Variants in CRCP observed in about 807,000 individuals in gnomAD.
CRCP encodes the protein CGRP receptor component.
CRCP carries 18 observed loss-of-function variants against 18.5 expected under a neutral mutation model. That is an observed-to-expected ratio of 0.97 (90% CI 0.67 to 1.44). The LOEUF (loss-of-function observed/expected upper bound fraction) is 1.44, where lower values mean the gene tolerates loss of function less well. Among genes scored for constraint, CRCP ranks in the 40% most tolerant of loss-of-function variants. The probability of loss-of-function intolerance (pLI) is 0.00; values close to 1 mark genes in which losing one functional copy is unlikely to be tolerated. For synonymous variants in CRCP, 53 were observed against 62.9 expected (o/e 0.84, Z 0.75); for missense variants, 130 against 176.4 (o/e 0.74, Z 1.49).
intron 4 of CRCP, among the ~76,000 whole-genome samples, chr7:66,137,061 C>T (rs1271569529): frequency 6.6e-6 from 1 of 151,102 alleles, no homozygotes. Flanking sequence ...AGCCTGGCGA[C>T]AGAGCGAGAC....
intron 1 of CRCP, among the ~76,000 whole-genome samples, chr7:66,125,768 G>C (rs1364093803): frequency 1.3e-5 from 2 of 149,346 alleles, no homozygotes; most frequent in African/African-American, 2.4e-5. Flanking sequence ...TGGAAATAAA[G>C]TTGTAACAGT....
At chr7:66,151,185 GT>G (rs1788445761) in intron 5 of CRCP, among the ~76,000 whole-genome samples, 1 of 152,168 alleles carries the variant, frequency 6.6e-6, no homozygotes, top group South Asian at 2.1e-4. Flanking sequence ...CTGCAGGGCT[GT>G]TGCTAGTGGG....
chr7:66,121,618 C>G (rs422164), intron 1 of CRCP, among the ~76,000 whole-genome samples: 15,834 of 152,074 alleles, frequency 0.1, 1,006 homozygotes, highest in South Asian at 0.2. Context: ...CGCCACCATG[C>G]AAAATATTTA....
chr7:66,127,857 T>A, intron 2 of CRCP, 117 bp downstream of exon 2: 1 of 1,120,218 alleles, frequency 8.9e-7, no homozygotes, highest in Non-Finnish European at 1.3e-6. Flanking sequence ...TTCACGCCTG[T>A]AATCCCAGCA....
At chr7:66,124,101 CCTGTA>C (rs955889938) in intron 1 of CRCP, among the ~76,000 whole-genome samples, 11 of 125,290 alleles carry the variant, frequency 8.8e-5, no homozygotes, top group South Asian at 8.6e-4. Context: ...GTGGCTCACT[CCTGTA>C]ATCCCAGCAC....
intron 5 of CRCP, among the ~76,000 whole-genome samples, chr7:66,151,748 TTTTC>T (rs1434495058): frequency 2.3e-5 from 2 of 87,936 alleles, no homozygotes; most frequent in South Asian, 3.2e-4. Flanking sequence ...CCTTTTTTTC[TTTTC>T]TTTTTTTTTT....
At chr7:66,124,382 G>A (rs376941056) in intron 1 of CRCP, among the ~76,000 whole-genome samples, 4 of 152,018 alleles carry the variant, frequency 2.6e-5, no homozygotes, top group African/African-American at 9.6e-5. Flanking sequence ...AAAATAAAAA[G>A]AATGCCACAA....
chr7:66,128,260 A>G (rs1787675341), intron 2 of CRCP, among the ~76,000 whole-genome samples: 1 of 152,162 alleles, frequency 6.6e-6, no homozygotes, highest in African/African-American at 2.4e-5. Context: ...GTACTTCAGG[A>G]AAGCTGGGAA....
chr7:66,132,439 A>G (rs1787835988), intron 3 of CRCP, among the ~76,000 whole-genome samples: 1 of 152,098 alleles, frequency 6.6e-6, no homozygotes, highest in Non-Finnish European at 1.5e-5. Flanking sequence ...ATTACACAAA[A>G]CCTATGGCTT....
At chr7:66,131,765 AT>A (rs1046708271) in intron 3 of CRCP, among the ~76,000 whole-genome samples, 1 of 150,472 alleles carries the variant, frequency 6.6e-6, no homozygotes, top group Non-Finnish European at 1.5e-5. Flanking sequence ...TTTTGAAATC[AT>A]TTTTCTTTTT....
chr7:66,141,147 G>C (rs934037718), intron 4 of CRCP, among the ~76,000 whole-genome samples: 1 of 152,138 alleles, frequency 6.6e-6, no homozygotes, highest in African/African-American at 2.4e-5. Flanking sequence ...AAGAGGGAGC[G>C]GCAGGCTTCT....
At chr7:66,136,997 C>A (rs959266942) in intron 4 of CRCP, among the ~76,000 whole-genome samples, 1 of 151,860 alleles carries the variant, frequency 6.6e-6, no homozygotes, top group Non-Finnish European at 1.5e-5. Context: ...AGGAGAATCA[C>A]TTGAACCTGG....
intron 4 of CRCP, among the ~76,000 whole-genome samples, chr7:66,142,920 C>G (rs1484165841): frequency 6.6e-6 from 1 of 152,212 alleles, no homozygotes; most frequent in Non-Finnish European, 1.5e-5. Context: ...GCAAATAAAT[C>G]TAGTGCTGGT....
At chr7:66,142,592 C>A (rs1173376714) in intron 4 of CRCP, among the ~76,000 whole-genome samples, 2 of 152,202 alleles carry the variant, frequency 1.3e-5, no homozygotes, top group African/African-American at 4.8e-5. Context: ...CTCCTGGGCT[C>A]AAGCAATCCT....
intron 5 of CRCP, among the ~76,000 whole-genome samples, chr7:66,151,717 G>GTGTGTGTGTGT (rs1584105236): frequency 7.8e-5 from 9 of 114,930 alleles, no homozygotes; most frequent in South Asian, 2.8e-4. Flanking sequence ...GTGTGTGTGT[G>GTGTGTGTGTGT]GTTATATAAC....
intron 1 of CRCP, among the ~76,000 whole-genome samples, chr7:66,122,893 TGCACTTA>T (rs902875771): frequency 2.0e-5 from 3 of 152,110 alleles, no homozygotes; most frequent in African/African-American, 7.2e-5. Context: ...GTCTTTAAAA[TGCACTTA>T]GAGTATTTGC....
intron 1 of CRCP, among the ~76,000 whole-genome samples, chr7:66,126,839 T>C (rs1333105208): frequency 6.7e-6 from 1 of 149,164 alleles, no homozygotes; most frequent in Non-Finnish European, 1.5e-5. Flanking sequence ...GTGAACAGTC[T>C]TACAAGGTTG....
At position 66,152,497 on chromosome 7, in the gene CRCP, A is replaced by T; in HGVS notation, c.*140A>T. Reference sequence around the variant, plus strand: ...GTGGTTAGTTGGGTACATCACAAAAATAAGTTAAAAAGAAATATTTGTGCC... The same window carrying T: ...GTGGTTAGTTGGGTACATCACAAAATTAAGTTAAAAAGAAATATTTGTGCC... On this transcript the variant is annotated 3_prime_UTR_variant, in exon 6 of 6. Coordinates refer to ENST00000395326, the MANE Select transcript of CRCP (RefSeq NM_014478.5). 1 of 876,104 alleles carries T rather than the reference A, an allele frequency of 1.1e-6. No individual in the cohort carries two copies. The highest frequency in any genetic ancestry group is 1.7e-6 in the Non-Finnish European group (1 of 587,240). 54.3% of individuals were successfully genotyped at this position (876,104 alleles called of 1,614,324 possible).
intron 1 of CRCP, among the ~76,000 whole-genome samples, chr7:66,125,110 T>C (rs1240441232): frequency 6.7e-6 from 1 of 149,504 alleles, no homozygotes; most frequent in African/African-American, 2.4e-5. Context: ...TGGAATTCTC[T>C]GATTATATCC....
Sources: gnomAD v4.1 joint callset for allele counts (sites outside exome capture counted in the v4.1 genomes callset) on GRCh38, gnomAD v4.1.1 for gene constraint, MANE v1.5 for transcripts, NCBI Gene and HGNC (gene_info 2026-07-23, HGNC 2026-07-21) for gene names.